DDX10: variants seen among roughly 807,000 people sequenced by gnomAD.
The protein encoded by DDX10 is probable ATP-dependent RNA helicase DDX10.
In DDX10, 74 loss-of-function variants were observed where a neutral mutation model predicts 104.3. The observed-to-expected ratio is 0.71, with a 90% CI of 0.59 to 0.86. The LOEUF is 0.86. DDX10 is among the 40% of genes least tolerant of loss of function. DDX10 has a pLI of 0.00. For missense variants in DDX10, 952 were observed against 1,040.0 expected, an observed-to-expected ratio of 0.92 and a Z score of 1.16; for synonymous variants, 351 against 353.4, an observed-to-expected ratio of 0.99 and a Z score of 0.08.
intron 13 of DDX10, among the ~76,000 whole-genome samples, chr11:108,809,162 A>G (rs754805682): frequency 9.2e-5 from 14 of 152,182 alleles, no homozygotes; most frequent in South Asian, 2.1e-4. Flanking sequence ...ACCCGCTTCA[A>G]TTGTCCAAGC....
chr11:108,905,371 A>G (rs1212390829), intron 16 of DDX10, among the ~76,000 whole-genome samples: 2 of 42,950 alleles, frequency 4.7e-5, no homozygotes, highest in Admixed American at 3.6e-4. Context: ...TCCTCTATAT[A>G]TGTTTTTTAT....
At chr11:108,822,554 G>A in intron 13 of DDX10, 1 of 211,472 alleles carries the variant, frequency 4.7e-6, no homozygotes, top group Non-Finnish European at 9.5e-6. Flanking sequence ...AGACTATGGA[G>A]ATTAGGCCCA....
chr11:108,828,636 A>G lies in DDX10; in HGVS notation c.1966-9810A>G, dbSNP rs541687724. The stretch of plus-strand genomic sequence containing the variant: ...AGGTGGGTCTTAATTTTAAGACTAC[A>G]GTTTAATTTTAAGACTATAGCTCCG... On this transcript the variant is annotated intron_variant, in intron 13 of 17. Transcript: ENST00000322536. Among the ~76,000 whole-genome samples, 4 of 152,186 alleles carry G rather than the reference A, an allele frequency of 2.6e-5. No individual in the cohort carries two copies. In the East Asian group the frequency reaches 7.7e-4, roughly 29 times the overall value.
intron 13 of DDX10, among the ~76,000 whole-genome samples, chr11:108,816,057 T>G (rs867160680): frequency 1.8e-4 from 27 of 152,202 alleles, no homozygotes; most frequent in Non-Finnish European, 2.9e-4. Flanking sequence ...CTTTTTTTTT[T>G]TTTGGAATTG....
At chr11:108,903,365 C>T (rs1863543753) in intron 16 of DDX10, among the ~76,000 whole-genome samples, 1 of 152,096 alleles carries the variant, frequency 6.6e-6, no homozygotes, top group Admixed American at 6.6e-5. Flanking sequence ...TTCAAGGCTC[C>T]TCCATGTTGT....
chr11:108,901,529 A>C (rs773537158), intron 16 of DDX10, among the ~76,000 whole-genome samples: 1 of 152,200 alleles, frequency 6.6e-6, no homozygotes, highest in Non-Finnish European at 1.5e-5. Context: ...ATCCTAGAGT[A>C]CAGATTTTTT....
At chr11:108,761,434 T>C (rs1024975616) in intron 13 of DDX10, among the ~76,000 whole-genome samples, 13 of 152,126 alleles carry the variant, frequency 8.5e-5, no homozygotes, top group African/African-American at 3.1e-4. Context: ...GATTCAGGAC[T>C]CTCTAAATGG....
chr11:108,835,254 T>G (rs1295087317), intron 13 of DDX10, among the ~76,000 whole-genome samples: 1 of 152,184 alleles, frequency 6.6e-6, no homozygotes, highest in African/African-American at 2.4e-5. Context: ...TTATAGTAAC[T>G]GAGGAAGAAC....
intron 13 of DDX10, among the ~76,000 whole-genome samples, chr11:108,762,111 CCCTT>C (rs2094351533): frequency 6.6e-6 from 1 of 152,232 alleles, no homozygotes; most frequent in Admixed American, 6.5e-5. Context: ...TCTCTTAACT[CCCTT>C]CCTTGCTCTA....
chr11:108,906,734 T>C (rs1353708027), intron 16 of DDX10, among the ~76,000 whole-genome samples: 1 of 152,238 alleles, frequency 6.6e-6, no homozygotes, highest in African/African-American at 2.4e-5. Flanking sequence ...ATCAATAAGA[T>C]GCACCATTAT....
intron 13 of DDX10, among the ~76,000 whole-genome samples, chr11:108,797,222 C>G (rs1370145463): frequency 6.6e-6 from 1 of 151,998 alleles, no homozygotes; most frequent in Non-Finnish European, 1.5e-5. Context: ...TTAGTAGAGA[C>G]GAGGTTTCAC....
rs1030065608 is a variant in DDX10 at position 108,757,372 on chromosome 11, A to G, written c.1965+33910A>G. ...TGTAATTATCCAGCTAAAAATATTTACTGTTAACCATATTTTTCTAGTTTT... is the reference window on the plus strand; with the variant it reads ...TGTAATTATCCAGCTAAAAATATTTGCTGTTAACCATATTTTTCTAGTTTT... On this transcript the variant is annotated intron_variant, in intron 13 of 17. Coordinates refer to ENST00000322536, the MANE Select transcript of DDX10 (RefSeq NM_004398.4). Among the ~76,000 whole-genome samples, 8 of 152,076 alleles carry G rather than the reference A, an allele frequency of 5.3e-5. No individual in the cohort carries two copies. In the East Asian group the frequency reaches 5.8e-4, roughly 11 times the overall value.
chr11:108,940,533 A>C lies in DDX10; in HGVS notation c.*110A>C. On this transcript the variant is annotated 3_prime_UTR_variant, in exon 18 of 18. Coordinates refer to ENST00000322536, the MANE Select transcript of DDX10 (RefSeq NM_004398.4). ...TTAGGTACCATATGCCCCATTCCCA[A>C]AGGGCACATTTCTGGATAGAAGCGA... 1 of 1,070,440 alleles carries C rather than the reference A, an allele frequency of 9.3e-7. No homozygotes were observed. The highest frequency in any genetic ancestry group is 1.3e-6 in the Non-Finnish European group (1 of 747,880). 66.3% of individuals were successfully genotyped at this position (1,070,440 alleles called of 1,614,324 possible).
chr11:108,869,757 C>G (rs1863056010), intron 16 of DDX10, among the ~76,000 whole-genome samples: 2 of 151,936 alleles, frequency 1.3e-5, no homozygotes, highest in Admixed American at 1.3e-4. Flanking sequence ...AAGATTTTAA[C>G]TGAAATTTTG....
At chr11:108,711,890 C>A (rs2094284947) in intron 10 of DDX10, among the ~76,000 whole-genome samples, 1 of 152,108 alleles carries the variant, frequency 6.6e-6, no homozygotes, top group South Asian at 2.1e-4. Context: ...TTTGTCTATT[C>A]CTGATAGTAG....
intron 16 of DDX10, among the ~76,000 whole-genome samples, chr11:108,884,248 A>T (rs1057335174): frequency 5.3e-5 from 8 of 152,178 alleles, no homozygotes; most frequent in Non-Finnish European, 1.2e-4. Context: ...AGTCTTCTCC[A>T]TCATGGTATA....
intron 13 of DDX10, among the ~76,000 whole-genome samples, chr11:108,764,864 T>G (rs866629564): frequency 6.6e-6 from 1 of 152,160 alleles, no homozygotes; most frequent in South Asian, 2.1e-4. Context: ...ACGACTTGAA[T>G]TGTCATCTGT....
At chr11:108,870,026 G>C (rs1195235658) in intron 16 of DDX10, among the ~76,000 whole-genome samples, 2 of 152,078 alleles carry the variant, frequency 1.3e-5, no homozygotes, top group African/African-American at 4.8e-5. Flanking sequence ...ACCAGTGTTG[G>C]TTTCTTGGTT....
At chr11:108,784,280 C>G (rs1470149866) in intron 13 of DDX10, among the ~76,000 whole-genome samples, 1 of 152,266 alleles carries the variant, frequency 6.6e-6, no homozygotes, top group Non-Finnish European at 1.5e-5. Flanking sequence ...ACAGCATTCC[C>G]TTTTCTTGGA....
Sources: gnomAD v4.1 joint callset for allele counts (sites outside exome capture counted in the v4.1 genomes callset) on GRCh38, gnomAD v4.1.1 for gene constraint, MANE v1.5 for transcripts, NCBI Gene and HGNC (gene_info 2026-07-23, HGNC 2026-07-21) for gene names.